The following ZNF273 variants were observed in gnomAD, a reference collection of about 807,000 sequenced individuals.
The protein encoded by ZNF273 is zinc finger protein 273, also known as zinc finger protein 9.
ZNF273 carries 11 observed loss-of-function variants against 14.9 expected under a neutral mutation model. The observed-to-expected ratio is 0.74, with a 90% CI of 0.46 to 1.22. The LOEUF (loss-of-function observed/expected upper bound fraction) is 1.22, where lower values mean the gene tolerates loss of function less well. ZNF273 is among the 50% of genes most tolerant of loss of function. ZNF273 has a pLI of 0.00. For synonymous variants in ZNF273, 199 were observed against 223.9 expected, an observed-to-expected ratio of 0.89 and a Z score of 0.99; for missense variants, 577 against 660.6, an observed-to-expected ratio of 0.87 and a Z score of 1.39.
chr7:64,910,788 G>A (rs1317653419), intron 1 of ZNF273, among the ~76,000 whole-genome samples: 4 of 110,138 alleles, frequency 3.6e-5, no homozygotes, highest in Admixed American at 9.7e-5. Context: ...TTTTTGAGAC[G>A]AAGTTTTGTT....
chr7:64,914,111 G>A (rs1562959624), intron 1 of ZNF273, among the ~76,000 whole-genome samples: 1 of 150,556 alleles, frequency 6.6e-6, no homozygotes, highest in South Asian at 2.1e-4. Context: ...GGGTTCAAGC[G>A]ATTCTCCCAC....
chr7:64,882,356 C>A (rs572709873), downstream of ZNF273: 1 of 152,012 alleles, frequency 6.6e-6, no homozygotes, highest in South Asian at 2.1e-4. Flanking sequence ...GCCCTGTGGT[C>A]GAGACTTTTA....
At chr7:64,913,129 G>T (rs377395487) in intron 1 of ZNF273, among the ~76,000 whole-genome samples, 1 of 151,718 alleles carries the variant, frequency 6.6e-6, no homozygotes. Context: ...CACTGCACCC[G>T]GCCAGCAACT....
Position 64,925,640 on chromosome 7 carries a change from A to G in ZNF273, c.326-2014A>G, listed in dbSNP as rs373978928. On this transcript the variant is annotated intron_variant, in intron 3 of 3. Transcript: ENST00000476120. ...TTTTTAGTAGAGACAGGGTTTCACA[A>G]TGTTGGCCAGGTTGGTCTCGAACTC... 8.5e-5 allele frequency among the ~76,000 whole-genome samples: 13 copies of G among 152,050 alleles called. No individual in the cohort carries two copies. The East Asian group carries it at 1.4e-3, about 16-fold the overall frequency.
At chr7:64,878,824 C>T (rs141340282) in intron 2 of ZNF273, among the ~76,000 whole-genome samples, 13 of 152,312 alleles carry the variant, frequency 8.5e-5, no homozygotes, top group African/African-American at 2.9e-4. Context: ...TCTCCTGGGC[C>T]TAGGGTTTCC....
At chr7:64,881,261 G>A (rs1278769981), downstream of ZNF273, among the ~76,000 whole-genome samples, 1 of 152,248 alleles carries the variant, frequency 6.6e-6, no homozygotes, top group Non-Finnish European at 1.5e-5. Context: ...GGATGTGGCC[G>A]GCACACCAGC....
At chr7:64,879,420 C>CT (rs1791193354) in intron 2 of ZNF273, 1 of 152,232 alleles carries the variant, frequency 6.6e-6, no homozygotes, top group Non-Finnish European at 1.5e-5. Context: ...CACAGTGCCC[C>CT]TCAACAGCAC....
Position 64,930,923 on chromosome 7 carries a change from A to G in ZNF273, c.*1885A>G, listed in dbSNP as rs1035102440. ...TGTTATGGACTACAGGGTTATTTTTATGGTCATAATAAAAATTACAAAAGT... is the reference window on the plus strand; with the variant it reads ...TGTTATGGACTACAGGGTTATTTTTGTGGTCATAATAAAAATTACAAAAGT... On this transcript the variant is annotated 3_prime_UTR_variant, in exon 4 of 4. Coordinates refer to ENST00000476120, the MANE Select transcript of ZNF273 (RefSeq NM_021148.3). 2.6e-5 allele frequency: 4 copies of G among 152,078 alleles called. No homozygotes were observed. The highest frequency in any genetic ancestry group is 6.6e-5 in the Admixed American group (1 of 15,262). 9.4% of individuals were successfully genotyped at this position (152,078 alleles called of 1,614,324 possible).
chr7:64,929,258 T>C lies in ZNF273; in HGVS notation c.*220T>C, dbSNP rs576696484. On this transcript the variant is annotated 3_prime_UTR_variant, in exon 4 of 4. Coordinates refer to ENST00000476120, the MANE Select transcript of ZNF273 (RefSeq NM_021148.3). ...TTTAATAAAAGCATTATCAATGAAA[T>C]TACTGTCAAAAGATCTTTCAGACAA... is the stretch of plus-strand genomic sequence containing the variant. 6.0e-5 allele frequency: 19 copies of C among 316,424 alleles called. No homozygotes were observed. The highest frequency in any genetic ancestry group is 9.9e-5 in the Non-Finnish European group (17 of 171,496). The allele number at this position is 316,424 out of a possible 1,614,324, so 19.6% of individuals were successfully genotyped here.
At position 64,928,061 on chromosome 7, in the gene ZNF273, C is replaced by A. The variant is rs763308384; in HGVS notation, c.733C>A (p.Gln245Lys). ...KCKTCGKAFNQFSNLTKHKII... is the reference protein window; with the variant it reads ...KCKTCGKAFNKFSNLTKHKII... ...TAAGACATGTGGAAAAGCCTTTAAC[C>A]AGTTCTCAAATCTTACTAAACATAA... is the stretch of plus-strand genomic sequence containing the variant. The change falls in exon 4 of 4, where the codon CAG becomes AAG. Residue 245 changes from glutamine to lysine, a missense_variant. This residue lies in a region of ZNF273 where 411 missense variants were observed against 440.4 expected (regional missense o/e 0.93). Coordinates refer to ENST00000476120, the MANE Select transcript of ZNF273 (RefSeq NM_021148.3). 6.2e-7 allele frequency: 1 copy of A among 1,610,972 alleles called. No individual in the cohort carries two copies. Among genetic ancestry groups the A allele is most frequent in the Admixed American group, 1.7e-5 (1 of 59,692 alleles).
At chr7:64,912,637 ATATAAAT>A (rs1463118487) in intron 1 of ZNF273, among the ~76,000 whole-genome samples, 1 of 152,072 alleles carries the variant, frequency 6.6e-6, no homozygotes, top group Non-Finnish European at 1.5e-5. Context: ...GTAGGAGAAA[ATATAAAT>A]TAGAAATAAG....
chr7:64,880,947 G>A (rs1791233872), downstream of ZNF273, among the ~76,000 whole-genome samples: 1 of 152,196 alleles, frequency 6.6e-6, no homozygotes, highest in African/African-American at 2.4e-5. Context: ...TCATTCCGGG[G>A]ACGGAGAGTG....
At position 64,921,424 on chromosome 7, in the gene ZNF273, G is replaced by A. The variant is rs114678386; in HGVS notation, c.325+3132G>A. Among the ~76,000 whole-genome samples the A allele has an allele frequency of 9.2e-3, 1,395 of 151,884 alleles. 16 individuals are homozygous for A. Among genetic ancestry groups the A allele is most frequent in the African/African-American group, 0.032 (1,325 of 41,384 alleles). The stretch of plus-strand genomic sequence containing the variant: ...CTATTTTTGAAAATGGGGTCTTGAT[G>A]TCTACTATTATTATGTTGGTATGTA... On this transcript the variant is annotated intron_variant, in intron 3 of 3. Transcript: ENST00000476120.
intron 3 of ZNF273, chr7:64,923,891 A>G (rs959311154): frequency 5.9e-5 from 9 of 152,348 alleles, no homozygotes; most frequent in African/African-American, 9.7e-5. Context: ...TTTTAAAATC[A>G]GAAACTATAA....
chr7:64,898,852 A>G (rs144571369), upstream of ZNF273, among the ~76,000 whole-genome samples: 43 of 152,360 alleles, frequency 2.8e-4, 3 homozygotes, highest in East Asian at 8.1e-3. Context: ...TGTCATTTGC[A>G]TGGCTAGATA....
chr7:64,889,091 G>A, downstream of ZNF273: 2 of 985,948 alleles, frequency 2.0e-6, no homozygotes, highest in African/African-American at 3.5e-5. This position sits in a 1 kb window ranked among gnomAD's most constrained non-coding sequence, Gnocchi z 4.2. Context: ...TTTGCGGAAG[G>A]CACAGTCCGG....
chr7:64,917,223 T>A, intron 1 of ZNF273: 1 of 674,116 alleles, frequency 1.5e-6, no homozygotes, highest in Non-Finnish European at 2.1e-6. Context: ...ATTAAAATTT[T>A]AAAGCTAGCT....
In ZNF273 at chr7:64,930,789, G is replaced by A. The variant is rs747454215; in HGVS notation, c.*1751G>A. ...CATAGTATGTTTTTATGCTGTATAT[G>A]GCATGTTTTGATACAGGTATATAAT... On this transcript the variant is annotated 3_prime_UTR_variant, in exon 4 of 4. Transcript: ENST00000476120. 2.0e-5 allele frequency: 3 copies of A among 151,562 alleles called. No individual in the cohort carries two copies. The highest frequency in any genetic ancestry group is 4.4e-5 in the Non-Finnish European group (3 of 67,824). 9.4% of individuals were successfully genotyped at this position (151,562 alleles called of 1,614,324 possible).
chr7:64,928,803 G>T lies in ZNF273; in HGVS notation c.1475G>T (p.Gly492Val), dbSNP rs199860830. 4.3e-4 allele frequency: 686 copies of T among 1,613,408 alleles called. 4 individuals carry two copies. The highest frequency in any genetic ancestry group is 3.6e-5 in the Non-Finnish European group (42 of 1,179,908). The change falls in exon 4 of 4, where the codon GGT becomes GTT. Residue 492 changes from glycine (G) to valine (V), a missense_variant. Gly to Val is a moderately radical substitution (Grantham distance 109). Transcript: ENST00000476120. ...AAACCTTACAAATGCAATGAATGTG[G>T]TAAAGCCTTTAACTGGTCCTCAACT... ...GEKPYKCNEC[G>V]KAFNWSSTLT...
Sources: gnomAD v4.1 joint callset for allele counts (sites outside exome capture counted in the v4.1 genomes callset) on GRCh38, gnomAD v4.1.1 for gene constraint, gnomAD v4.1.1 regional missense constraint, Gnocchi (gnomAD v3.1) non-coding constraint, MANE v1.5 for transcripts, NCBI Gene and HGNC (gene_info 2026-07-23, HGNC 2026-07-21) for gene names.